RSRC1: variants seen among roughly 807,000 people sequenced by gnomAD.
RSRC1 encodes serine/Arginine-related protein 53.
Under a neutral mutation model 49.1 loss-of-function variants are expected in RSRC1, and 39 were observed. That is an observed-to-expected ratio of 0.79 (90% CI 0.61 to 1.04). The LOEUF (loss-of-function observed/expected upper bound fraction) is 1.04, where lower values mean the gene tolerates loss of function less well. RSRC1 is among the 50% of genes least tolerant of loss of function. The pLI is 0.00. For synonymous variants in RSRC1, 143 were observed against 130.8 expected, an observed-to-expected ratio of 1.09 and a Z score of -0.63; for missense variants, 388 against 402.4, an observed-to-expected ratio of 0.96 and a Z score of 0.31.
At chr3:158,275,673 A>G in intron 4 of RSRC1, 1 of 398,062 alleles carries the variant, frequency 2.5e-6, no homozygotes, top group South Asian at 4.6e-5. Flanking sequence ...TTCAAACATT[A>G]TTGCACTTTA....
At chr3:158,519,819 G>A (rs1348532788) in intron 7 of RSRC1, among the ~76,000 whole-genome samples, 4 of 152,088 alleles carry the variant, frequency 2.6e-5, no homozygotes, top group Non-Finnish European at 5.9e-5. Context: ...CCTACAAATG[G>A]TGTTTATAAC....
intron 3 of RSRC1, among the ~76,000 whole-genome samples, 192 bp from the exon 4 acceptor site, chr3:158,202,880 T>C (rs1721137720): frequency 6.6e-6 from 1 of 152,054 alleles, no homozygotes; most frequent in African/African-American, 2.4e-5. Context: ...AGTTAGCATA[T>C]ATATTTCCCT....
At chr3:158,118,440 TGTGTGTGTGTGTGTGTGTGTGTGC>T (rs1186619447) in intron 1 of RSRC1, among the ~76,000 whole-genome samples, 1 of 134,714 alleles carries the variant, frequency 7.4e-6, no homozygotes, top group African/African-American at 3.0e-5. Context: ...TGTGTGTGTG[TGTGTGTGTGTGTGTGTGTGTGTGC>T]GCGTGCGCGT....
At chr3:158,352,094 A>G (rs1362758659) in intron 5 of RSRC1, among the ~76,000 whole-genome samples, 1 of 151,882 alleles carries the variant, frequency 6.6e-6, no homozygotes, top group East Asian at 1.9e-4. Context: ...ACATGGTGAG[A>G]CACCAACTCT....
intron 5 of RSRC1, among the ~76,000 whole-genome samples, chr3:158,341,205 T>C (rs2108214591): frequency 6.6e-6 from 1 of 152,092 alleles, no homozygotes; most frequent in South Asian, 2.1e-4. Flanking sequence ...GCTGCAGAAA[T>C]TTACATAAGT....
chr3:158,329,880 A>AC (rs1729437785), intron 5 of RSRC1, among the ~76,000 whole-genome samples: 2 of 152,156 alleles, frequency 1.3e-5, no homozygotes, highest in Non-Finnish European at 2.9e-5. Context: ...GGTGGGCTCC[A>AC]CCCAGTTCGA....
intron 3 of RSRC1, among the ~76,000 whole-genome samples, chr3:158,178,263 C>T (rs575876652): frequency 1.1e-4 from 17 of 152,100 alleles, no homozygotes; most frequent in East Asian, 1.9e-4. Flanking sequence ...CTCCACCTCC[C>T]GAGTAGCTGG....
At chr3:158,203,323 G>T in intron 4 of RSRC1, 78 bp downstream of exon 4, 1 of 1,438,734 alleles carries the variant, frequency 7.0e-7, no homozygotes, top group South Asian at 1.5e-5. Context: ...TGTTCTCTGA[G>T]GTTTTTCTTG....
chr3:158,117,148 A>G (rs1179874935), intron 1 of RSRC1, among the ~76,000 whole-genome samples: 2 of 152,160 alleles, frequency 1.3e-5, no homozygotes, highest in African/African-American at 4.8e-5. Context: ...GTGAAAACCC[A>G]TATGCCTTTT....
chr3:158,153,617 T>A (rs1717684908), intron 3 of RSRC1, among the ~76,000 whole-genome samples: 2 of 152,206 alleles, frequency 1.3e-5, no homozygotes, highest in Non-Finnish European at 2.9e-5. Flanking sequence ...TACTTGGTAG[T>A]CATGCCCCGT....
chr3:158,336,449 T>C (rs529988352), intron 5 of RSRC1: 1 of 157,936 alleles, frequency 6.3e-6, no homozygotes, highest in Admixed American at 6.4e-5. Flanking sequence ...CTCCAGAGGG[T>C]CACTGGGGTG....
At position 158,544,316 on chromosome 3, in the gene RSRC1, T is replaced by C. The variant is rs750471649; in HGVS notation, c.*41T>C. On this transcript the variant is annotated 3_prime_UTR_variant, in exon 10 of 10. Transcript: ENST00000611884. Reference sequence around the variant, plus strand: ...TTGGATTGGATTGTCAGCAGTAACATTGGAAATTTAGGTTTTTAAATCCCA... The same window carrying C: ...TTGGATTGGATTGTCAGCAGTAACACTGGAAATTTAGGTTTTTAAATCCCA... 3.8e-6 allele frequency: 5 copies of C among 1,325,074 alleles called. No homozygotes were observed. The highest frequency in any genetic ancestry group is 2.2e-5 in the Admixed American group (1 of 45,844). 82.1% of individuals were successfully genotyped at this position (1,325,074 alleles called of 1,614,324 possible).
intron 6 of RSRC1, among the ~76,000 whole-genome samples, chr3:158,360,540 C>A (rs1368145896): frequency 6.6e-6 from 1 of 152,214 alleles, no homozygotes; most frequent in Non-Finnish European, 1.5e-5. Context: ...CAGTGCCCAG[C>A]CACCCTCAAC....
At chr3:158,227,449 A>G (rs915849332) in intron 4 of RSRC1, among the ~76,000 whole-genome samples, 2 of 150,734 alleles carry the variant, frequency 1.3e-5, no homozygotes, top group Admixed American at 1.3e-4. Context: ...CTTTTCCTCC[A>G]TCTTTGTCTT....
intron 4 of RSRC1, among the ~76,000 whole-genome samples, chr3:158,237,782 T>C (rs778741576): frequency 1.2e-4 from 19 of 152,194 alleles, no homozygotes; most frequent in Admixed American, 6.5e-5. Flanking sequence ...CTTTTCCTAA[T>C]TGAATACCCT....
intron 5 of RSRC1, among the ~76,000 whole-genome samples, chr3:158,319,786 A>G (rs969500119): frequency 3.3e-5 from 5 of 152,150 alleles, no homozygotes; most frequent in Non-Finnish European, 5.9e-5. Context: ...ACAGCTTTAA[A>G]TTTCTCTTCC....
intron 4 of RSRC1, among the ~76,000 whole-genome samples, chr3:158,273,046 T>C (rs931899562): frequency 7.2e-5 from 11 of 152,080 alleles, no homozygotes; most frequent in African/African-American, 2.7e-4. Context: ...GAACCTGTTT[T>C]TGTGTTTTTA....
intron 5 of RSRC1, among the ~76,000 whole-genome samples, chr3:158,316,209 T>TAACA (rs1728433052): frequency 6.6e-6 from 1 of 151,924 alleles, no homozygotes; most frequent in African/African-American, 2.4e-5. Flanking sequence ...AGAAAGTATT[T>TAACA]AACAAACAAT....
chr3:158,125,102 A>G (rs1715531846), intron 3 of RSRC1, among the ~76,000 whole-genome samples: 1 of 152,038 alleles, frequency 6.6e-6, no homozygotes, highest in Non-Finnish European at 1.5e-5. Flanking sequence ...TATAGGTATG[A>G]TCTACCTTGC....
Sources: gnomAD v4.1 joint callset for allele counts (sites outside exome capture counted in the v4.1 genomes callset) on GRCh38, gnomAD v4.1.1 for gene constraint, MANE v1.5 for transcripts, NCBI Gene and HGNC (gene_info 2026-07-23, HGNC 2026-07-21) for gene names.